XPC: variants seen among roughly 807,000 people sequenced by gnomAD.
XPC encodes the protein XPC complex subunit, DNA damage recognition and repair factor, also known as DNA repair protein complementing XP-C cells.
XPC carries 76 observed loss-of-function variants against 95.8 expected under a neutral mutation model. The ratio of observed to expected loss-of-function variants is 0.79; its 90% confidence interval spans 0.66 to 0.96. The LOEUF (loss-of-function observed/expected upper bound fraction) is 0.96, where lower values mean the gene tolerates loss of function less well. Among genes scored for constraint, XPC ranks in the 40% least tolerant of loss-of-function variants. The pLI is 0.00. For missense variants in XPC, 1,146 were observed against 1,179.8 expected (o/e 0.97, Z 0.42); for synonymous variants, 442 against 442.1 (o/e 1.00, Z 0.00).
At position 14,172,885 on chromosome 3, in the gene XPC, C is replaced by A. The variant is rs763230547; in HGVS notation, c.281G>T (p.Ser94Ile). The A allele has an allele frequency of 5.0e-6, 8 of 1,613,926 alleles. 1 individual carries two copies. In the South Asian group the frequency reaches 5.5e-5, roughly 11 times the overall value. Residue 94 changes from serine (S) to isoleucine (I), a missense_variant, in exon 2 of 16, where the codon AGC (serine) becomes ATC (isoleucine). Physicochemically the swap from Ser to Ile is moderately radical, Grantham distance 142. Transcript: ENST00000285021. ...NLKVIKDEAL[S>I]DGDDLRDFPS... ...ATCTCACCTGAGGTCATCCCCATCG[C>A]TGAGGGCTTCATCCTTTATAACCTT...
At chr3:14,172,658 T>C (rs1167634697) in intron 2 of XPC, among the ~76,000 whole-genome samples, 1 of 152,224 alleles carries the variant, frequency 6.6e-6, no homozygotes, top group East Asian at 1.9e-4. Flanking sequence ...TGTCCAGCTG[T>C]GGAAGCATGA....
At chr3:14,170,613 C>G in intron 2 of XPC, 63 bp from the exon 3 acceptor site, 1 of 1,308,194 alleles carries the variant, frequency 7.6e-7, no homozygotes, top group Non-Finnish European at 1.1e-6. Context: ...TCCATTCAAG[C>G]TAAATGGAAT....
rs1695724705 is a variant in XPC, at chr3:14,152,320, C to G, written c.2115+15G>C. 1 of 1,610,342 alleles carries G rather than the reference C, an allele frequency of 6.2e-7. No homozygotes were observed. On this transcript the variant is annotated intron_variant, in intron 11 of 15. Coordinates refer to ENST00000285021, the MANE Select transcript of XPC (RefSeq NM_004628.5). ...GTGTCACCACTCCCCACAGGGACCC[C>G]CCAGCTCCAGTTACCTTGTAGGGTA...
intron 2 of XPC, 59 bp from the exon 3 acceptor site, chr3:14,170,609 C>G: frequency 7.4e-7 from 1 of 1,343,448 alleles, no homozygotes; most frequent in Non-Finnish European, 1.0e-6. Flanking sequence ...GTGTTCCATT[C>G]AAGCTAAATG....
At chr3:14,177,754 G>C (rs866288916) in intron 1 of XPC, among the ~76,000 whole-genome samples, 1 of 151,770 alleles carries the variant, frequency 6.6e-6, no homozygotes, top group African/African-American at 2.4e-5. Context: ...AGAGCTGGGA[G>C]GCCAGTAAAG....
intron 11 of XPC, among the ~76,000 whole-genome samples, chr3:14,149,158 G>A (rs559435473): frequency 3.3e-5 from 5 of 151,374 alleles, no homozygotes; most frequent in Admixed American, 6.6e-5. Flanking sequence ...ATCTTGGCTC[G>A]CTGCAACCTC....
intron 9 of XPC, among the ~76,000 whole-genome samples, chr3:14,157,801 A>T (rs1226182094): frequency 6.6e-6 from 1 of 152,218 alleles, no homozygotes; most frequent in African/African-American, 2.4e-5. Context: ...CCTGGGCTCA[A>T]GCACCGCGGC....
At chr3:14,169,322 T>C (rs1696517128) in intron 3 of XPC, among the ~76,000 whole-genome samples, 1 of 152,232 alleles carries the variant, frequency 6.6e-6, no homozygotes, top group Non-Finnish European at 1.5e-5. Flanking sequence ...CAAAATTACA[T>C]GTCTTTGGAC....
intron 10 of XPC, among the ~76,000 whole-genome samples, chr3:14,155,563 T>C (rs953087245): frequency 2.6e-5 from 4 of 152,080 alleles, no homozygotes; most frequent in Admixed American, 6.5e-5. Flanking sequence ...ATTTTAACCA[T>C]TTTTTTGTTT....
chr3:14,159,266 A>G (rs143160566), intron 8 of XPC, among the ~76,000 whole-genome samples: 1 of 152,342 alleles, frequency 6.6e-6, no homozygotes, highest in East Asian at 1.9e-4. Context: ...CACCTTGGAC[A>G]TACGCATTTT....
Position 14,158,202 on chromosome 3 carries a change from A to G in XPC, c.1681T>C (p.Tyr561His), listed in dbSNP as rs749795176. 28 of 1,613,928 alleles carry G rather than the reference A, an allele frequency of 1.7e-5. No individual in the cohort carries two copies. The highest frequency in any genetic ancestry group is 2.4e-5 in the Non-Finnish European group (28 of 1,179,872). The change falls in exon 9 of 16, where the codon TAC becomes CAC. Residue 561 changes from tyrosine (Y) to histidine (H), a missense_variant. Transcript: ENST00000285021. The surrounding 1 kb of genome is among the most constrained non-coding windows in gnomAD (Gnocchi z 5.2). ...VVGQPLTCYK[Y>H]ATKPMTYVVG... Reference sequence around the variant, plus strand: ...ACATAGGTCATGGGCTTGGTGGCGTACTTGTAACAGGTCAGAGGCTGGCCC... The same window carrying G: ...ACATAGGTCATGGGCTTGGTGGCGTGCTTGTAACAGGTCAGAGGCTGGCCC...
At chr3:14,152,737 TG>T in intron 10 of XPC, 1 of 283,814 alleles carries the variant, frequency 3.5e-6, no homozygotes, top group Non-Finnish European at 6.6e-6. Flanking sequence ...ACTATCAGGA[TG>T]GGGTAAAGGC....
rs776361955 is a variant in XPC at position 14,148,719 on chromosome 3, C to A, written c.2263G>T (p.Glu755Ter). The A allele has an allele frequency of 6.2e-7, 1 of 1,614,016 alleles. No homozygotes were observed. The highest frequency in any genetic ancestry group is 8.5e-7 in the Non-Finnish European group (1 of 1,179,882). ...AGGAAGAGGTACACATTCCCAAACT[C>A]GTTCCGGGGCACCTGTGTCGGGTGA... is the stretch of plus-strand genomic sequence containing the variant. ...VAVDGKVPRN[E>*]FGNVYLFLPS... Residue 755 changes from glutamate to a stop codon, truncating the protein, a stop_gained, in exon 13 of 16, where the codon GAG (glutamate) becomes TAG (stop). Coordinates refer to ENST00000285021, the MANE Select transcript of XPC (RefSeq NM_004628.5). LOFTEE classifies it high-confidence loss of function.
In XPC at chr3:14,148,600, G is replaced by A; in HGVS notation, c.2382C>T (p.Ile794=). The change falls in exon 13 of 16, where the codon ATC becomes ATT. Residue 794 remains isoleucine (I), a synonymous_variant. Coordinates refer to ENST00000285021, the MANE Select transcript of XPC (RefSeq NM_004628.5). ...RKLDIDCVQA[I]TGFDFHGGYS... ...AGCCGCCATGGAAATCAAAGCCAGT[G>A]ATGGCCTGGACACAGTCGATGTCCA... 3.1e-6 allele frequency: 5 copies of A among 1,614,028 alleles called. No individual in the cohort carries two copies. Among genetic ancestry groups the A allele is most frequent in the Non-Finnish European group, 4.2e-6 (5 of 1,179,900 alleles).
intron 10 of XPC, among the ~76,000 whole-genome samples, chr3:14,155,876 G>A (rs112959476): frequency 0.013 from 2,014 of 152,234 alleles, 45 homozygotes; most frequent in African/African-American, 0.044. Context: ...CCATTTTTAA[G>A]TGTGCAGTTC....
In XPC at chr3:14,147,980, G is replaced by A. The variant is rs553152555; in HGVS notation, c.2442C>T (p.Cys814=). The A allele has an allele frequency of 2.4e-5, 39 of 1,592,450 alleles. No individual in the cohort carries two copies. Among genetic ancestry groups the A allele is most frequent in the Middle Eastern group, 1.7e-4 (1 of 5,972 alleles). ...TCAGGAGCACGTCTTTGAATTCCTC[G>A]CAGACGATGTATCCATCAGTCCTGT... ...SHPVTDGYIV[C]EEFKDVLLTA... is the part of the protein sequence containing the mutation. The change falls in exon 14 of 16, where the codon TGC becomes TGT. Residue 814 remains cysteine (C), a synonymous_variant. Transcript: ENST00000285021.
At chr3:14,152,445 A>C (rs1695732078) in intron 10 of XPC, 29 bp from the exon 11 acceptor site, 1 of 1,591,864 alleles carries the variant, frequency 6.3e-7, no homozygotes, top group South Asian at 1.1e-5. Flanking sequence ...ACACAAAGGT[A>C]ACTCAGTCCA....
chr3:14,154,293 C>G (rs571900470), intron 10 of XPC, among the ~76,000 whole-genome samples: 1 of 151,600 alleles, frequency 6.6e-6, no homozygotes, highest in South Asian at 2.1e-4. Flanking sequence ...TATATGCAAA[C>G]AAACAAACAA....
Position 14,148,705 on chromosome 3 carries a change from C to T in XPC, c.2277G>A (p.Val759=), listed in dbSNP as rs1372339080. 6.2e-6 allele frequency: 10 copies of T among 1,613,934 alleles called. No homozygotes were observed. The highest frequency in any genetic ancestry group is 7.6e-6 in the Non-Finnish European group (9 of 1,179,908). ...GKVPRNEFGN[V]YLFLPSMMPI... is the part of the protein sequence containing the mutation. ...GCATCATGCTGGGCAGGAAGAGGTA[C>T]ACATTCCCAAACTCGTTCCGGGGCA... Residue 759 remains valine, a synonymous_variant, in exon 13 of 16, where the codon GTG becomes GTA. Coordinates refer to ENST00000285021, the MANE Select transcript of XPC (RefSeq NM_004628.5).
Sources: gnomAD v4.1 joint callset for allele counts (sites outside exome capture counted in the v4.1 genomes callset) on GRCh38, gnomAD v4.1.1 for gene constraint, Gnocchi (gnomAD v3.1) non-coding constraint, MANE v1.5 for transcripts, NCBI Gene and HGNC (gene_info 2026-07-23, HGNC 2026-07-21) for gene names.